The following KATNAL2 variants were observed in gnomAD, a reference collection of about 807,000 sequenced individuals.
KATNAL2 encodes the protein katanin p60 ATPase-containing subunit A-like 2.
KATNAL2 carries 52 observed loss-of-function variants against 76.3 expected under a neutral mutation model. That is an observed-to-expected ratio of 0.68 (90% CI 0.55 to 0.86). The LOEUF is 0.86. KATNAL2 is among the 40% of genes least tolerant of loss of function. The pLI, the probability that KATNAL2 is intolerant of heterozygous loss-of-function variation, is 0.00. For synonymous variants in KATNAL2, 243 were observed against 244.2 expected (o/e 1.00, Z 0.05); for missense variants, 660 against 668.9 (o/e 0.99, Z 0.15).
chr18:47,045,217 T>C (rs968233311), intron 3 of KATNAL2, among the ~76,000 whole-genome samples: 1 of 152,136 alleles, frequency 6.6e-6, no homozygotes, highest in Non-Finnish European at 1.5e-5. Flanking sequence ...TTTCAAATAT[T>C]TATATGCATA....
intron 1 of KATNAL2, among the ~76,000 whole-genome samples, chr18:46,941,651 T>C (rs1024237099): frequency 2.6e-5 from 4 of 152,170 alleles, no homozygotes; most frequent in African/African-American, 7.2e-5. Flanking sequence ...TAGTTGGGAC[T>C]ATAGGTGTGT....
intron 1 of KATNAL2, among the ~76,000 whole-genome samples, chr18:46,922,716 G>C (rs2058606702): frequency 6.6e-6 from 1 of 151,772 alleles, no homozygotes; most frequent in Non-Finnish European, 1.5e-5. Context: ...AGAATCGCTT[G>C]AACCCAGGAG....
chr18:46,922,852 T>A (rs72917129), intron 1 of KATNAL2, among the ~76,000 whole-genome samples: 1,644 of 149,562 alleles, frequency 0.011, 16 homozygotes, highest in Non-Finnish European at 0.016. Context: ...CATAGCAGTA[T>A]GGTTATCTGT....
intron 1 of KATNAL2, among the ~76,000 whole-genome samples, chr18:46,931,461 G>A (rs1305290573): frequency 6.6e-6 from 1 of 152,000 alleles, no homozygotes; most frequent in Non-Finnish European, 1.5e-5. Flanking sequence ...AGACCAGCCT[G>A]GCCAACATGG....
At chr18:47,038,809 T>C (rs1418046167) in intron 3 of KATNAL2, among the ~76,000 whole-genome samples, 2 of 152,208 alleles carry the variant, frequency 1.3e-5, no homozygotes, top group Non-Finnish European at 2.9e-5. Context: ...CTTGTATATA[T>C]ATTGCAAATT....
At chr18:47,066,425 G>A (rs1250942630) in intron 10 of KATNAL2, among the ~76,000 whole-genome samples, 3 of 152,108 alleles carry the variant, frequency 2.0e-5, no homozygotes, top group African/African-American at 7.2e-5. Flanking sequence ...CTGCACTTTC[G>A]CTCGGTTGTC....
intron 3 of KATNAL2, among the ~76,000 whole-genome samples, chr18:47,040,959 A>T (rs1292283876): frequency 6.6e-6 from 1 of 152,244 alleles, no homozygotes; most frequent in Non-Finnish European, 1.5e-5. Flanking sequence ...GCAATGGAAT[A>T]AGAACATGAT....
At chr18:47,046,916 C>A (rs1461617938) in intron 4 of KATNAL2, among the ~76,000 whole-genome samples, 2 of 152,164 alleles carry the variant, frequency 1.3e-5, no homozygotes, top group East Asian at 3.9e-4. Flanking sequence ...CCGATTCCTC[C>A]TCCTGCCCCA....
intron 10 of KATNAL2, 27 bp downstream of exon 10, chr18:47,063,388 T>C: frequency 1.3e-6 from 2 of 1,583,932 alleles, no homozygotes; most frequent in Non-Finnish European, 1.7e-6. Flanking sequence ...AATTCACAAA[T>C]TTATGGAGGC....
intron 1 of KATNAL2, among the ~76,000 whole-genome samples, chr18:46,923,728 C>T (rs2058645417): frequency 6.6e-6 from 1 of 152,198 alleles, no homozygotes; most frequent in Non-Finnish European, 1.5e-5. Flanking sequence ...ACATCCTCTC[C>T]AGCACCTATT....
Position 47,077,468 on chromosome 18 carries a change from G to A in KATNAL2, c.1211+7G>A. 1 of 1,594,140 alleles carries A rather than the reference G, an allele frequency of 6.3e-7. No individual in the cohort carries two copies. Among genetic ancestry groups the A allele is most frequent in the Non-Finnish European group, 8.6e-7 (1 of 1,161,808 alleles). On this transcript the variant is annotated splice_region_variant and intron_variant, in intron 15 of 17. Coordinates refer to ENST00000683218, the MANE Select transcript of KATNAL2 (RefSeq NM_001387690.1). ...CAGCTTCTAACCTGCCGTGGTAAGA[G>A]ACCAAGAGAGTAAATTTTGAATACA...
intron 1 of KATNAL2, among the ~76,000 whole-genome samples, chr18:46,918,324 G>C (rs887857920): frequency 6.6e-6 from 1 of 152,110 alleles, no homozygotes; most frequent in Non-Finnish European, 1.5e-5. Context: ...ACACACGAGA[G>C]GTCTTTAAAA....
intron 1 of KATNAL2, among the ~76,000 whole-genome samples, chr18:46,944,089 A>G (rs1249512323): frequency 6.6e-6 from 1 of 152,248 alleles, no homozygotes; most frequent in African/African-American, 2.4e-5. Flanking sequence ...GGTCTAGTCC[A>G]GTACTAGTTA....
chr18:47,032,382 G>A (rs1569046201), intron 3 of KATNAL2, among the ~76,000 whole-genome samples: 3 of 152,138 alleles, frequency 2.0e-5, no homozygotes, highest in Non-Finnish European at 4.4e-5. Flanking sequence ...AAGAAGCTGG[G>A]ACCACATGGA....
chr18:46,941,133 G>A (rs2059234530), intron 1 of KATNAL2, among the ~76,000 whole-genome samples: 1 of 152,142 alleles, frequency 6.6e-6, no homozygotes, highest in Admixed American at 6.5e-5. Flanking sequence ...AAACCAGCTT[G>A]GCCAACATGG....
intron 3 of KATNAL2, among the ~76,000 whole-genome samples, chr18:47,045,330 T>TTTTCTTTTCTTTTC (rs1491241447): frequency 0.091 from 3,761 of 41,492 alleles, 113 homozygotes; most frequent in African/African-American, 0.27. Flanking sequence ...TTTTCTTTTC[T>TTTTCTTTTCTTTTC]TTTTTTTTTT....
chr18:47,058,705 C>A (rs1260768045), intron 7 of KATNAL2, among the ~76,000 whole-genome samples: 2 of 151,966 alleles, frequency 1.3e-5, no homozygotes, highest in Admixed American at 6.6e-5. Flanking sequence ...ACTGAGCTAA[C>A]CAAGATGGCA....
chr18:47,050,244 G>A (rs555310100), intron 4 of KATNAL2, among the ~76,000 whole-genome samples: 324 of 152,092 alleles, frequency 2.1e-3, no homozygotes, highest in African/African-American at 7.5e-3. Flanking sequence ...CTTTGAGAAT[G>A]CTGTCTTCCT....
intron 15 of KATNAL2, among the ~76,000 whole-genome samples, chr18:47,087,617 G>T (rs2062829396): frequency 6.6e-6 from 1 of 152,078 alleles, no homozygotes. Flanking sequence ...GTGCCTGACT[G>T]ATGAAATAAT....
Sources: gnomAD v4.1 joint callset for allele counts (sites outside exome capture counted in the v4.1 genomes callset) on GRCh38, gnomAD v4.1.1 for gene constraint, MANE v1.5 for transcripts, NCBI Gene and HGNC (gene_info 2026-07-23, HGNC 2026-07-21) for gene names.